Variants in NT5C1A observed in about 807,000 individuals in gnomAD.
The protein encoded by NT5C1A is cytosolic 5'-nucleotidase 1A.
NT5C1A carries 18 observed loss-of-function variants against 31.0 expected under a neutral mutation model. The ratio of observed to expected loss-of-function variants is 0.58; its 90% CI spans 0.40 to 0.86. The LOEUF (loss-of-function observed/expected upper bound fraction) is 0.86, where lower values mean the gene tolerates loss of function less well. Among genes scored for constraint, NT5C1A ranks in the 40% least tolerant of loss-of-function variants. The probability of loss-of-function intolerance (pLI) is 0.00; values close to 1 mark genes in which losing one functional copy is unlikely to be tolerated. For synonymous variants in NT5C1A, 185 were observed against 203.6 expected (o/e 0.91, Z 0.78); for missense variants, 470 against 505.4 (o/e 0.93, Z 0.67).
At chr1:39,669,086 G>A (rs1646537369) in intron 1 of NT5C1A, among the ~76,000 whole-genome samples, 1 of 152,182 alleles carries the variant, frequency 6.6e-6, no homozygotes. Context: ...GCAGAAAGAA[G>A]CCCTGATCTC....
In NT5C1A at chr1:39,661,180, C is replaced by G. The variant is rs370457585; in HGVS notation, c.640G>C (p.Ala214Pro). Reference sequence around the variant, plus strand: ...TCCGACTCGTCCGAGAAGAGCACGGCGTCCCCATCGAAGGCCACGCGCAGC... The same window carrying G: ...TCCGACTCGTCCGAGAAGAGCACGGGGTCCCCATCGAAGGCCACGCGCAGC... Reference protein sequence around the residue: ...SQLRVAFDGDAVLFSDESERI... With the variant: ...SQLRVAFDGDPVLFSDESERI... Residue 214 changes from alanine to proline, a missense_variant, in exon 5 of 6, where the codon GCC (alanine) becomes CCC (proline). Transcript: ENST00000235628. The G allele has an allele frequency of 6.2e-7, 1 of 1,601,322 alleles. No individual in the cohort carries two copies. The highest frequency in any genetic ancestry group is 8.6e-7 in the Non-Finnish European group (1 of 1,169,176).
In NT5C1A at chr1:39,661,176, A is replaced by G; in HGVS notation, c.644T>C (p.Val215Ala). 1.2e-6 allele frequency: 2 copies of G among 1,603,212 alleles called. No individual in the cohort carries two copies. The highest frequency in any genetic ancestry group is 1.7e-6 in the Non-Finnish European group (2 of 1,170,738). Residue 215 changes from valine to alanine, a missense_variant, in exon 5 of 6, where the codon GTG becomes GCG. By Grantham distance (64) the Val-to-Ala change is moderately conservative. Coordinates refer to ENST00000235628, the MANE Select transcript of NT5C1A (RefSeq NM_032526.3). ...GCGCTCCGACTCGTCCGAGAAGAGC[A>G]CGGCGTCCCCATCGAAGGCCACGCG... ...QLRVAFDGDA[V>A]LFSDESERIV...
At position 39,655,289 on chromosome 1, in the gene NT5C1A, T is replaced by C. The variant is rs1265379665; in HGVS notation, c.*3832A>G. Among the ~76,000 whole-genome samples, 1 of 152,188 alleles carries C rather than the reference T, an allele frequency of 6.6e-6. No homozygotes were observed. Among genetic ancestry groups the C allele is most frequent in the Non-Finnish European group, 1.5e-5 (1 of 68,034 alleles). ...CAGGTGATGGGTCAGATTTGGCCCG[T>C]GGGCCCAGAGTTTGCCAAACTCTGC... On this transcript the variant is annotated 3_prime_UTR_variant, in exon 6 of 6. Transcript: ENST00000235628.
In NT5C1A at chr1:39,660,956, G is replaced by A. The variant is rs954491399; in HGVS notation, c.741+123C>T. The A allele has an allele frequency of 2.4e-5, 15 of 615,514 alleles. No individual in the cohort carries two copies. The Admixed American group carries it at 3.5e-4, about 14-fold the overall frequency. 38.1% of individuals were successfully genotyped at this position (615,514 alleles called of 1,614,324 possible). ...CAGTGGTCAAGTGAGAGGGTCGAGG[G>A]GACCAGGCTGGAATCTGGGCTGAGC... On this transcript the variant is annotated intron_variant, in intron 5 of 5. Coordinates refer to ENST00000235628, the MANE Select transcript of NT5C1A (RefSeq NM_032526.3).
chr1:39,666,319 G>T, intron 1 of NT5C1A, 83 bp from the exon 2 acceptor site: 1 of 1,372,368 alleles, frequency 7.3e-7, no homozygotes, highest in Non-Finnish European at 1.0e-6. Flanking sequence ...CCTGGGTAGT[G>T]AGGACATGGA....
chr1:39,653,379 C>A lies in NT5C1A; in HGVS notation c.*5742G>T, dbSNP rs1646443232. On this transcript the variant is annotated 3_prime_UTR_variant, in exon 6 of 6. Transcript: ENST00000235628. ...TAACCATCTGTACACATAGTGAGTA[C>A]ACACACACACACAGAGTCATTGGCT... Among the ~76,000 whole-genome samples, 1 of 151,266 alleles carries A rather than the reference C, an allele frequency of 6.6e-6. No homozygotes were observed. The highest frequency in any genetic ancestry group is 6.6e-5 in the Admixed American group (1 of 15,170).
Position 39,663,386 on chromosome 1 carries a change from C to A in NT5C1A, c.482G>T (p.Cys161Phe), listed in dbSNP as rs756680827. 1.2e-6 allele frequency: 2 copies of A among 1,614,008 alleles called. No homozygotes were observed. The highest frequency in any genetic ancestry group is 8.5e-7 in the Non-Finnish European group (1 of 1,180,022). ...FCMTGGNSPI[C>F]YLKAYHTNLY... ...GTTGGTGTGATAGGCCTTGAGGTAG[C>A]AGATCGGGCTGTTCCCACCTGTCAT... The change falls in exon 4 of 6, where the codon TGC becomes TTC. Residue 161 changes from cysteine (C) to phenylalanine (F), a missense_variant. By Grantham distance (205) the Cys-to-Phe change is radical. Transcript: ENST00000235628.
Position 39,661,190 on chromosome 1 carries a change from G to A in NT5C1A, c.630C>T (p.Phe210=), listed in dbSNP as rs752303171. The A allele has an allele frequency of 6.9e-6, 11 of 1,599,032 alleles. No individual in the cohort carries two copies. The highest frequency in any genetic ancestry group is 2.2e-5 in the South Asian group (2 of 90,712). The part of the protein sequence containing the change: ...VVSQSQLRVA[F]DGDAVLFSDE... Reference sequence around the variant, plus strand: ...CCGAGAAGAGCACGGCGTCCCCATCGAAGGCCACGCGCAGCTGACTCTGGG... The same window carrying A: ...CCGAGAAGAGCACGGCGTCCCCATCAAAGGCCACGCGCAGCTGACTCTGGG... The change falls in exon 5 of 6, where the codon TTC becomes TTT. Residue 210 remains phenylalanine (F), a synonymous_variant. Coordinates refer to ENST00000235628, the MANE Select transcript of NT5C1A (RefSeq NM_032526.3).
Position 39,672,029 on chromosome 1 carries a change from C to T in NT5C1A, c.10G>A (p.Gly4Arg), listed in dbSNP as rs1646555437. Residue 4 changes from glycine (G) to arginine (R), a missense_variant, in exon 1 of 6, where the codon GGG becomes AGG. Physicochemically the swap from Gly to Arg is moderately radical, Grantham distance 125. Coordinates refer to ENST00000235628, the MANE Select transcript of NT5C1A (RefSeq NM_032526.3). MEP[G>R]QPREPQEPRE... The stretch of plus-strand genomic sequence containing the variant: ...GGCTCCTGGGGCTCCCGGGGCTGCC[C>T]AGGTTCCATGCTCCGGCTCTGACCC... The T allele has an allele frequency of 6.2e-7, 1 of 1,600,258 alleles. No homozygotes were observed. Among genetic ancestry groups the T allele is most frequent in the Non-Finnish European group, 8.5e-7 (1 of 1,178,320 alleles).
At position 39,659,102 on chromosome 1, in the gene NT5C1A, A is replaced by G; in HGVS notation, c.*19T>C. The G allele has an allele frequency of 1.9e-6, 3 of 1,567,440 alleles. No homozygotes were observed. The highest frequency in any genetic ancestry group is 8.7e-7 in the Non-Finnish European group (1 of 1,155,146). On this transcript the variant is annotated 3_prime_UTR_variant, in exon 6 of 6. Coordinates refer to ENST00000235628, the MANE Select transcript of NT5C1A (RefSeq NM_032526.3). ...CAGGGAGCCTGGAGCAATGTGGATC[A>G]GTAAAGCCGGTGGTTCAGCTACTGT...
rs1009775619 is a variant in NT5C1A at position 39,653,723 on chromosome 1, A to G, written c.*5398T>C. Among the ~76,000 whole-genome samples the G allele has an allele frequency of 6.6e-6, 1 of 152,212 alleles. No individual in the cohort carries two copies. The highest frequency in any genetic ancestry group is 1.5e-5 in the Non-Finnish European group (1 of 68,034). On this transcript the variant is annotated 3_prime_UTR_variant, in exon 6 of 6. Coordinates refer to ENST00000235628, the MANE Select transcript of NT5C1A (RefSeq NM_032526.3). ...CCTGCAGTGCCACCTACTGGCAGAA[A>G]GGAGGTGGTTTTGTGTTTTGCTTTA...
At position 39,666,157 on chromosome 1, in the gene NT5C1A, G is replaced by A. The variant is rs369485627; in HGVS notation, c.215C>T (p.Thr72Met). The change falls in exon 2 of 6, where the codon ACG (threonine) becomes ATG (methionine). Residue 72 changes from threonine to methionine, a missense_variant. Transcript: ENST00000235628. ...FRMDEEQQIY[T>M]EQGVEEYVRY... ...CACGTACTCCTCCACGCCCTGCTCC[G>A]TGTAGATCTGCTGCTCCTCGTCCAT... is the stretch of plus-strand genomic sequence containing the variant. 186 of 1,613,612 alleles carry A rather than the reference G, an allele frequency of 1.2e-4. 1 individual carries two copies. The South Asian group carries it at 1.2e-3, about 11-fold the overall frequency.
At position 39,665,603 on chromosome 1, in the gene NT5C1A, A is replaced by G; in HGVS notation, c.351T>C (p.Ser117=). ...TGAGGACGATGTCGAAGACGTCCTC[A>G]CTATCAGGGTACAGCTCCCGCAGCC... The part of the protein sequence containing the change: ...NRRLRELYPD[S]EDVFDIVLMT... The change falls in exon 3 of 6, where the codon AGT becomes AGC. Residue 117 remains serine, a synonymous_variant. Transcript: ENST00000235628. 2 of 1,613,376 alleles carry G rather than the reference A, an allele frequency of 1.2e-6. No individual in the cohort carries two copies. Among genetic ancestry groups the G allele is most frequent in the South Asian group, 1.1e-5 (1 of 91,076 alleles).
intron 1 of NT5C1A, among the ~76,000 whole-genome samples, chr1:39,669,412 T>C (rs958839269): frequency 5.9e-5 from 9 of 152,056 alleles, no homozygotes; most frequent in African/African-American, 1.7e-4. Context: ...ATTGAAGAAG[T>C]GTTCTGACCC....
chr1:39,661,557 G>T (rs1268313935), intron 4 of NT5C1A, among the ~76,000 whole-genome samples: 1 of 152,168 alleles, frequency 6.6e-6, no homozygotes, highest in Non-Finnish European at 1.5e-5. Context: ...GGGCACTCAG[G>T]ACTCAGGGCA....
At chr1:39,669,366 G>A (rs1222007300) in intron 1 of NT5C1A, among the ~76,000 whole-genome samples, 1 of 152,162 alleles carries the variant, frequency 6.6e-6, no homozygotes, top group Non-Finnish European at 1.5e-5. Flanking sequence ...AGAGAGGGAA[G>A]GGCTGCTGAA....
chr1:39,658,118 G>A lies in NT5C1A; in HGVS notation c.*1003C>T, dbSNP rs1466568719. Among the ~76,000 whole-genome samples, 2 of 152,212 alleles carry A rather than the reference G, an allele frequency of 1.3e-5. No individual in the cohort carries two copies. Among genetic ancestry groups the A allele is most frequent in the Non-Finnish European group, 2.9e-5 (2 of 68,042 alleles). On this transcript the variant is annotated 3_prime_UTR_variant, in exon 6 of 6. Coordinates refer to ENST00000235628, the MANE Select transcript of NT5C1A (RefSeq NM_032526.3). The stretch of plus-strand genomic sequence containing the variant: ...TGAGGGTGGTGGAAGTGAGGGTCTT[G>A]GCAGGCAAGAGCAACTGAACTTCGG...
intron 5 of NT5C1A, among the ~76,000 whole-genome samples, 184 bp downstream of exon 5, chr1:39,660,895 C>A (rs1421770546): frequency 1.3e-5 from 2 of 151,948 alleles, no homozygotes; most frequent in Admixed American, 1.3e-4. Context: ...GGGATGTGGG[C>A]TCAACAAAGC....
At position 39,656,816 on chromosome 1, in the gene NT5C1A, G is replaced by A. The variant is rs894318827; in HGVS notation, c.*2305C>T. Among the ~76,000 whole-genome samples the A allele has an allele frequency of 2.8e-4, 42 of 152,248 alleles. No individual in the cohort carries two copies. The highest frequency in any genetic ancestry group is 9.6e-4 in the African/African-American group (40 of 41,456). On this transcript the variant is annotated 3_prime_UTR_variant, in exon 6 of 6. Transcript: ENST00000235628. ...CTGTGAGCCTTGGAGGCTCTTCCAC[G>A]GGGGTGATTCTGACCCCTGGGAGTG...
Sources: gnomAD v4.1 joint callset for allele counts (sites outside exome capture counted in the v4.1 genomes callset) on GRCh38, gnomAD v4.1.1 for gene constraint, MANE v1.5 for transcripts, NCBI Gene and HGNC (gene_info 2026-07-23, HGNC 2026-07-21) for gene names.